KIAA2012: variants seen among roughly 807,000 people sequenced by gnomAD.
KIAA2012 encodes the protein uncharacterized protein KIAA2012.
Under a neutral mutation model 150.6 loss-of-function variants are expected in KIAA2012, and 125 were observed. The ratio of observed to expected loss-of-function variants is 0.83; its 90% CI spans 0.72 to 0.96. KIAA2012 has a LOEUF of 0.96. KIAA2012 is among the 40% of genes least tolerant of loss of function. The probability of loss-of-function intolerance (pLI) is 0.00; values close to 1 mark genes in which losing one functional copy is unlikely to be tolerated. For synonymous variants in KIAA2012, 462 were observed against 504.7 expected, an observed-to-expected ratio of 0.92 and a Z score of 1.13; for missense variants, 1,219 against 1,354.9, an observed-to-expected ratio of 0.90 and a Z score of 1.57.
At chr2:202,133,028 C>T (rs1458931031) in intron 12 of KIAA2012, among the ~76,000 whole-genome samples, 1 of 141,618 alleles carries the variant, frequency 7.1e-6, no homozygotes, top group African/African-American at 2.6e-5. Flanking sequence ...TGGCGTGAAC[C>T]TAGGAGGTGG....
intron 12 of KIAA2012, among the ~76,000 whole-genome samples, chr2:202,133,130 A>ATATATATATATATTTTTTTTTTTTTTTTT (rs1279080237): frequency 1.5e-5 from 1 of 67,750 alleles, no homozygotes; most frequent in Non-Finnish European, 2.9e-5. Flanking sequence ...ATATATATAT[A>ATATATATATATATTTTTTTTTTTTTTTTT]TTTTTTTTTT....
chr2:202,109,354 G>A (rs542531122), intron 9 of KIAA2012, among the ~76,000 whole-genome samples: 108 of 152,234 alleles, frequency 7.1e-4, no homozygotes, highest in Middle Eastern at 3.4e-3. Context: ...TTCTAGCCAA[G>A]AGTCATGTCA....
intron 13 of KIAA2012, among the ~76,000 whole-genome samples, chr2:202,146,617 G>A (rs1195303922): frequency 7.5e-6 from 1 of 132,750 alleles, no homozygotes; most frequent in African/African-American, 2.9e-5. Context: ...GGGTGACAGA[G>A]CAAGACTCCA....
intron 10 of KIAA2012, among the ~76,000 whole-genome samples, chr2:202,110,402 G>A (rs1345537431): frequency 6.6e-6 from 1 of 152,198 alleles, no homozygotes; most frequent in African/African-American, 2.4e-5. Flanking sequence ...TCTAAAGGTA[G>A]CTCATAGAGC....
At chr2:202,130,288 G>A (rs1342187271) in intron 12 of KIAA2012, among the ~76,000 whole-genome samples, 2 of 152,142 alleles carry the variant, frequency 1.3e-5, no homozygotes, top group Admixed American at 6.5e-5. Flanking sequence ...CACACTAGGA[G>A]TATTCACAAA....
At chr2:202,184,183 A>C (rs901127040) in intron 15 of KIAA2012, among the ~76,000 whole-genome samples, 2 of 152,116 alleles carry the variant, frequency 1.3e-5, no homozygotes. Flanking sequence ...CAGGAGTTCA[A>C]GACCAGCCTG....
intron 7 of KIAA2012, among the ~76,000 whole-genome samples, chr2:202,102,177 CAT>C (rs1690059489): frequency 7.0e-6 from 1 of 143,692 alleles, no homozygotes; most frequent in Non-Finnish European, 1.5e-5. Context: ...TACACACACA[CAT>C]ACACATACAC....
chr2:202,173,625 T>C (rs1379003138), intron 15 of KIAA2012, among the ~76,000 whole-genome samples: 1 of 152,074 alleles, frequency 6.6e-6, no homozygotes, highest in Non-Finnish European at 1.5e-5. Flanking sequence ...TGATCAAACA[T>C]ACAAAACTCC....
chr2:202,171,138 CACAGACATAT>C (rs1691879131), intron 15 of KIAA2012, among the ~76,000 whole-genome samples: 1 of 145,288 alleles, frequency 6.9e-6, no homozygotes, highest in African/African-American at 2.6e-5. Context: ...CACACACACA[CACAGACATAT>C]ACACACACAC....
intron 13 of KIAA2012, among the ~76,000 whole-genome samples, chr2:202,152,982 GC>G (rs1342949895): frequency 1.3e-5 from 2 of 152,270 alleles, no homozygotes; most frequent in East Asian, 3.9e-4. Context: ...TGTGACCCCA[GC>G]AAATTTGTCC....
intron 15 of KIAA2012, among the ~76,000 whole-genome samples, chr2:202,182,561 T>C (rs1334153612): frequency 6.6e-6 from 1 of 152,234 alleles, no homozygotes; most frequent in Non-Finnish European, 1.5e-5. Flanking sequence ...GTTTATCTGT[T>C]GATGGACATT....
Position 202,188,286 on chromosome 2 carries a change from A to G in KIAA2012, c.2491+20A>G, listed in dbSNP as rs1431167271. The G allele has an allele frequency of 5.2e-6, 8 of 1,537,384 alleles. No homozygotes were observed. The highest frequency in any genetic ancestry group is 6.2e-6 in the Non-Finnish European group (7 of 1,137,368). On this transcript the variant is annotated intron_variant, in intron 18 of 23. Coordinates refer to ENST00000498697, the MANE Select transcript of KIAA2012 (RefSeq NM_001277372.4). Reference sequence around the variant, plus strand: ...CCATTGGTAAGAGAGTGTGCCTGCAAGTAACAACCTGGAGAAGACTTCTGT... The same window carrying G: ...CCATTGGTAAGAGAGTGTGCCTGCAGGTAACAACCTGGAGAAGACTTCTGT...
intron 2 of KIAA2012, among the ~76,000 whole-genome samples, chr2:202,087,861 A>G (rs574824856): frequency 3.9e-5 from 6 of 152,244 alleles, no homozygotes; most frequent in Admixed American, 1.3e-4. Flanking sequence ...CCTTAGTTTC[A>G]TTGACCAGAG....
intron 17 of KIAA2012, among the ~76,000 whole-genome samples, 175 bp downstream of exon 17, chr2:202,187,273 C>A (rs1391046428): frequency 2.6e-5 from 4 of 152,062 alleles, no homozygotes; most frequent in Admixed American, 2.0e-4. Flanking sequence ...CCACATTGGG[C>A]TGCATCCTCC....
At chr2:202,168,683 G>A (rs1691824300) in intron 15 of KIAA2012, among the ~76,000 whole-genome samples, 1 of 152,112 alleles carries the variant, frequency 6.6e-6, no homozygotes, top group Non-Finnish European at 1.5e-5. Flanking sequence ...AATGAATGAA[G>A]CAGCCTTCCA....
chr2:202,164,822 T>C (rs2105722473), intron 14 of KIAA2012, among the ~76,000 whole-genome samples: 1 of 152,316 alleles, frequency 6.6e-6, no homozygotes, highest in African/African-American at 2.4e-5. Flanking sequence ...AACTCCTACA[T>C]GCCTTAGGCA....
At position 202,109,789 on chromosome 2, in the gene KIAA2012, G is replaced by A. The variant is rs760066148; in HGVS notation, c.1651G>A (p.Glu551Lys). 88 of 1,546,040 alleles carry A rather than the reference G, an allele frequency of 5.7e-5. No homozygotes were observed. Among genetic ancestry groups the A allele is most frequent in the Non-Finnish European group, 6.0e-5 (69 of 1,145,472 alleles). ...VPRRALPAAQ[E>K]DSSDPTLGHF... ...CAGGAGGGCACTGCCAGCAGCTCAA[G>A]GTAATCATTCCCAGAGTGCATAGAC... The change falls in exon 10 of 24, where the codon GAA becomes AAA. Residue 551 changes from glutamate (E) to lysine (K), a missense_variant and splice_region_variant. Coordinates refer to ENST00000498697, the MANE Select transcript of KIAA2012 (RefSeq NM_001277372.4).
chr2:202,106,147 T>A, intron 9 of KIAA2012: 1 of 1,172,878 alleles, frequency 8.5e-7, no homozygotes, highest in Non-Finnish European at 1.2e-6. Flanking sequence ...ACTGCTAATA[T>A]TTTAACAGTG....
rs1690120135 is a variant in KIAA2012 at position 202,104,106 on chromosome 2, A to G, written c.1324+992A>G. ...AAAGAATGCCTAACGGTGGAGCTTA[A>G]AAGACCAATGGAAGGGGACATGAAG... On this transcript the variant is annotated intron_variant, in intron 8 of 23. Transcript: ENST00000498697. The surrounding 1 kb of genome is among the most constrained non-coding windows in gnomAD (Gnocchi z 4.3). Among the ~76,000 whole-genome samples the G allele has an allele frequency of 6.6e-6, 1 of 152,204 alleles. No homozygotes were observed. The highest frequency in any genetic ancestry group is 1.5e-5 in the Non-Finnish European group (1 of 68,034).
Sources: gnomAD v4.1 joint callset for allele counts (sites outside exome capture counted in the v4.1 genomes callset) on GRCh38, gnomAD v4.1.1 for gene constraint, Gnocchi (gnomAD v3.1) non-coding constraint, MANE v1.5 for transcripts, NCBI Gene and HGNC (gene_info 2026-07-23, HGNC 2026-07-21) for gene names.